ST6GAL1: variants seen among roughly 807,000 people sequenced by gnomAD.
ST6GAL1 encodes beta-galactoside alpha-2,6-sialyltransferase 1.
A neutral mutation model predicts 38.0 loss-of-function variants in ST6GAL1; 20 were observed. The ratio of observed to expected loss-of-function variants is 0.53; its 90% confidence interval spans 0.37 to 0.77. The LOEUF is 0.77. Ranked by LOEUF, ST6GAL1 falls within the 30% of genes least tolerant of loss-of-function variation. ST6GAL1 has a pLI of 0.00. For missense variants in ST6GAL1, 432 were observed against 496.4 expected (o/e 0.87, Z 1.23); for synonymous variants, 196 against 188.2 (o/e 1.04, Z -0.34).
chr3:187,066,030 C>G (rs1254777391), intron 5 of ST6GAL1, among the ~76,000 whole-genome samples: 3 of 151,498 alleles, frequency 2.0e-5, no homozygotes, highest in Admixed American at 6.6e-5. Context: ...GAAGCTCCAA[C>G]TTTTCTTCTC....
intron 2 of ST6GAL1, among the ~76,000 whole-genome samples, chr3:187,017,674 G>T (rs948394873): frequency 1.3e-5 from 2 of 152,182 alleles, no homozygotes. Context: ...TGACTTTAAG[G>T]AGAGGTAGTT....
At chr3:187,074,360 T>G in intron 7 of ST6GAL1, 27 bp downstream of exon 7, 1 of 1,520,210 alleles carries the variant, frequency 6.6e-7, no homozygotes, top group Non-Finnish European at 8.8e-7. Context: ...GAAAAGACCT[T>G]GCATGTTTGT....
At chr3:187,057,807 A>G (rs1228407519) in intron 5 of ST6GAL1, among the ~76,000 whole-genome samples, 1 of 152,212 alleles carries the variant, frequency 6.6e-6, no homozygotes. Context: ...CCGTGCTGGG[A>G]GAACCACTGC....
rs1718028451 is a variant in ST6GAL1 at position 187,038,816 on chromosome 3, G to C, written c.-108G>C. ...TAAACCTTCCCTCCCATGGATAATA[G>C]TGCTAATTCCTGAGGACCTGAAGGG... On this transcript the variant is annotated 5_prime_UTR_variant, in exon 3 of 8. Coordinates refer to ENST00000169298, the MANE Select transcript of ST6GAL1 (RefSeq NM_173216.2). The C allele has an allele frequency of 6.6e-6, 1 of 152,166 alleles. No individual in the cohort carries two copies. Among genetic ancestry groups the C allele is most frequent in the Non-Finnish European group, 1.5e-5 (1 of 68,056 alleles). 9.4% of individuals were successfully genotyped at this position (152,166 alleles called of 1,614,324 possible).
chr3:187,009,588 TGC>T (rs1171296961), intron 2 of ST6GAL1, among the ~76,000 whole-genome samples: 1 of 152,216 alleles, frequency 6.6e-6, no homozygotes, highest in African/African-American at 2.4e-5. Context: ...GCTATCACTG[TGC>T]CACTGTCCTC....
intron 5 of ST6GAL1, among the ~76,000 whole-genome samples, chr3:187,058,599 G>A (rs1442985950): frequency 6.6e-6 from 1 of 151,090 alleles, no homozygotes; most frequent in Admixed American, 6.6e-5. Context: ...CCTGTTTGTT[G>A]TTCAAATTTA....
In ST6GAL1 at chr3:187,075,628, A is replaced by G. The variant is rs1198391239; in HGVS notation, c.1046A>G (p.Lys349Arg). 6.2e-7 allele frequency: 1 copy of G among 1,614,156 alleles called. No homozygotes were observed. The highest frequency in any genetic ancestry group is 1.3e-5 in the African/African-American group (1 of 75,028). ...TATGAGTTCCTCCCATCCAAGCGCAAGACTGACGTGTGCTACTACTACCAG... is the reference window on the plus strand; with the variant it reads ...TATGAGTTCCTCCCATCCAAGCGCAGGACTGACGTGTGCTACTACTACCAG... ...DIYEFLPSKRKTDVCYYYQKF... is the reference protein window; with the variant it reads ...DIYEFLPSKRRTDVCYYYQKF... Residue 349 changes from lysine (K) to arginine (R), a missense_variant, in exon 8 of 8, where the codon AAG (lysine) becomes AGG (arginine). Lys to Arg is a conservative substitution (Grantham distance 26). Coordinates refer to ENST00000169298, the MANE Select transcript of ST6GAL1 (RefSeq NM_173216.2). This position sits in a 1 kb window ranked among gnomAD's most constrained non-coding sequence, Gnocchi z 4.1.
At chr3:187,025,885 C>T (rs1384073219) in intron 2 of ST6GAL1, among the ~76,000 whole-genome samples, 1 of 152,166 alleles carries the variant, frequency 6.6e-6, no homozygotes, top group Non-Finnish European at 1.5e-5. Flanking sequence ...GAAATGTACT[C>T]AGGGAAATGT....
At chr3:186,999,348 AGGCAAGACATCCG>A (rs1434255192) in intron 2 of ST6GAL1, among the ~76,000 whole-genome samples, 1 of 151,998 alleles carries the variant, frequency 6.6e-6, no homozygotes, top group Non-Finnish European at 1.5e-5. Flanking sequence ...CCCTATGCTA[AGGCAAGACATCCG>A]GGGAAGAAGT....
intron 1 of ST6GAL1, among the ~76,000 whole-genome samples, chr3:186,944,159 G>A (rs1052386678): frequency 2.6e-5 from 4 of 152,178 alleles, no homozygotes; most frequent in Non-Finnish European, 5.9e-5. Flanking sequence ...GCCCAACCAC[G>A]TGTGAAGAGG....
chr3:187,066,730 C>G (rs1285308584), intron 5 of ST6GAL1, among the ~76,000 whole-genome samples: 2 of 152,058 alleles, frequency 1.3e-5, no homozygotes, highest in Non-Finnish European at 2.9e-5. Context: ...GCACTCCATG[C>G]CCTGGTGTAG....
At chr3:187,025,012 T>A (rs1051709588) in intron 2 of ST6GAL1, among the ~76,000 whole-genome samples, 1 of 151,532 alleles carries the variant, frequency 6.6e-6, no homozygotes, top group African/African-American at 2.4e-5. Flanking sequence ...TGTGTGTGTG[T>A]GTGTGTGTCT....
chr3:186,997,557 C>T (rs1433534493), intron 2 of ST6GAL1, among the ~76,000 whole-genome samples: 1 of 151,632 alleles, frequency 6.6e-6, no homozygotes, highest in Non-Finnish European at 1.5e-5. Context: ...GGAGTTTGAG[C>T]CCAGCCTGGG....
At chr3:187,017,771 G>A (rs555341040) in intron 2 of ST6GAL1, among the ~76,000 whole-genome samples, 11 of 152,254 alleles carry the variant, frequency 7.2e-5, no homozygotes, top group African/African-American at 2.2e-4. Context: ...CGAAAACCAC[G>A]ACGGACATGG....
intron 2 of ST6GAL1, among the ~76,000 whole-genome samples, chr3:186,974,233 C>T (rs1245327479): frequency 6.6e-6 from 1 of 152,174 alleles, no homozygotes; most frequent in Non-Finnish European, 1.5e-5. Context: ...GGGCCCTCAC[C>T]CCGCCTCCAA....
intron 1 of ST6GAL1, chr3:186,931,341 G>A (rs1713743970): frequency 6.6e-6 from 1 of 152,356 alleles, no homozygotes; most frequent in African/African-American, 2.4e-5. Context: ...TCGGGGGAGG[G>A]AGTGGCTCTA....
chr3:187,058,165 G>C (rs1718782693), intron 5 of ST6GAL1, among the ~76,000 whole-genome samples: 1 of 152,188 alleles, frequency 6.6e-6, no homozygotes, highest in African/African-American at 2.4e-5. Context: ...GCAGTGTTTG[G>C]GCGGGAGTGT....
intron 2 of ST6GAL1, among the ~76,000 whole-genome samples, chr3:187,035,778 G>A (rs1717909239): frequency 6.6e-6 from 1 of 152,156 alleles, no homozygotes; most frequent in East Asian, 1.9e-4. Flanking sequence ...AGATTTAAAT[G>A]TGAGACCTCA....
chr3:187,009,272 T>C (rs984144710), intron 2 of ST6GAL1, among the ~76,000 whole-genome samples: 2 of 152,162 alleles, frequency 1.3e-5, no homozygotes, highest in Admixed American at 6.6e-5. Flanking sequence ...AATGGTACTA[T>C]GGTCGTATTT....
Sources: gnomAD v4.1 joint callset for allele counts (sites outside exome capture counted in the v4.1 genomes callset) on GRCh38, gnomAD v4.1.1 for gene constraint, Gnocchi (gnomAD v3.1) non-coding constraint, MANE v1.5 for transcripts, NCBI Gene and HGNC (gene_info 2026-07-23, HGNC 2026-07-21) for gene names.